The following AMBRA1 variants were observed in gnomAD, a reference collection of about 807,000 sequenced individuals.
AMBRA1 encodes autophagy and beclin 1 regulator 1.
AMBRA1 carries 47 observed loss-of-function variants against 125.4 expected under a neutral mutation model. That is an observed-to-expected ratio of 0.37 (90% CI 0.30 to 0.48). The LOEUF (loss-of-function observed/expected upper bound fraction) is 0.48. Ranked by LOEUF, AMBRA1 falls within the 20% of genes least tolerant of loss-of-function variation. AMBRA1 has a pLI of 0.99. For synonymous variants in AMBRA1, 626 were observed against 655.5 expected (o/e 0.95, Z 0.69); for missense variants, 1,331 against 1,693.4 (o/e 0.79, Z 3.76).
chr11:46,536,707 G>A (rs1382858617), intron 7 of AMBRA1, among the ~76,000 whole-genome samples: 1 of 152,206 alleles, frequency 6.6e-6, no homozygotes, highest in Admixed American at 6.5e-5. Flanking sequence ...GACTGGAGCT[G>A]AGGGATCAAA....
At chr11:46,430,149 C>T (rs1208996233) in intron 14 of AMBRA1, among the ~76,000 whole-genome samples, 1 of 152,204 alleles carries the variant, frequency 6.6e-6, no homozygotes, top group Non-Finnish European at 1.5e-5. Flanking sequence ...AAAGAAAAGA[C>T]TCCAGCACAT....
intron 8 of AMBRA1, among the ~76,000 whole-genome samples, chr11:46,509,547 C>A (rs1951182560): frequency 6.6e-6 from 1 of 151,936 alleles, no homozygotes; most frequent in African/African-American, 2.4e-5. Flanking sequence ...GGGAAGCAAC[C>A]CAAATGCCCA....
At chr11:46,413,989 T>C (rs1331584199) in intron 15 of AMBRA1, among the ~76,000 whole-genome samples, 3 of 152,146 alleles carry the variant, frequency 2.0e-5, no homozygotes, top group Admixed American at 6.6e-5. Flanking sequence ...CCTTTTCCAG[T>C]GGGCTTCCAC....
intron 7 of AMBRA1, among the ~76,000 whole-genome samples, chr11:46,520,897 G>A (rs182986254): frequency 8.5e-5 from 13 of 152,050 alleles, no homozygotes; most frequent in East Asian, 5.8e-4. Context: ...GAGCCACCGC[G>A]CCCGGCCCCT....
At chr11:46,526,584 G>C (rs1057323236) in intron 7 of AMBRA1, among the ~76,000 whole-genome samples, 6 of 148,982 alleles carry the variant, frequency 4.0e-5, no homozygotes, top group Non-Finnish European at 5.9e-5. Flanking sequence ...TCTCTCAAGA[G>C]GCCATGTGGA....
At chr11:46,459,509 G>C (rs1049725986) in intron 11 of AMBRA1, among the ~76,000 whole-genome samples, 1 of 151,916 alleles carries the variant, frequency 6.6e-6, no homozygotes, top group South Asian at 2.1e-4. Flanking sequence ...TCAGGAGTTC[G>C]AGACCAGCCT....
intron 15 of AMBRA1, among the ~76,000 whole-genome samples, chr11:46,414,256 G>A (rs141247514): frequency 3.7e-4 from 57 of 152,316 alleles, no homozygotes; most frequent in Non-Finnish European, 7.2e-4. Flanking sequence ...TCTCTGCAGC[G>A]CGGGAAAGAG....
At chr11:46,564,649 G>A (rs935690995) in intron 1 of AMBRA1, among the ~76,000 whole-genome samples, 9 of 152,136 alleles carry the variant, frequency 5.9e-5, no homozygotes, top group Admixed American at 1.3e-4. Context: ...GAGATGAGGA[G>A]AGGGAGAAAG....
At chr11:46,496,313 T>C (rs1444759937) in intron 9 of AMBRA1, among the ~76,000 whole-genome samples, 1 of 152,048 alleles carries the variant, frequency 6.6e-6, no homozygotes, top group Non-Finnish European at 1.5e-5. Context: ...ACCCAGGAGA[T>C]GGAGGTTGCA....
chr11:46,588,016 G>A (rs1482534366), intron 1 of AMBRA1, among the ~76,000 whole-genome samples: 2 of 152,166 alleles, frequency 1.3e-5, no homozygotes, highest in East Asian at 3.8e-4. Context: ...AGCAGAGGGA[G>A]AGACAAAAAA....
chr11:46,405,744 A>G (rs780687088), intron 17 of AMBRA1, among the ~76,000 whole-genome samples: 11 of 151,862 alleles, frequency 7.2e-5, no homozygotes, highest in Non-Finnish European at 1.3e-4. Context: ...TTATTTATTT[A>G]TATTTGAGAC....
intron 5 of AMBRA1, among the ~76,000 whole-genome samples, chr11:46,544,500 G>C (rs1207728416): frequency 7.9e-5 from 12 of 152,114 alleles, no homozygotes; most frequent in Admixed American, 7.9e-4. Flanking sequence ...TATTCGACTG[G>C]AAATCCAAGA....
intron 12 of AMBRA1, among the ~76,000 whole-genome samples, chr11:46,440,542 T>C (rs1947953296): frequency 6.6e-6 from 1 of 152,072 alleles, no homozygotes; most frequent in African/African-American, 2.4e-5. Flanking sequence ...CAATTTCAGA[T>C]GACAATTAAA....
At chr11:46,437,217 T>C (rs964722459) in intron 12 of AMBRA1, among the ~76,000 whole-genome samples, 1 of 152,198 alleles carries the variant, frequency 6.6e-6, no homozygotes, top group African/African-American at 2.4e-5. Flanking sequence ...CCTTAAAAAC[T>C]GGGCATATGG....
At chr11:46,409,908 G>C (rs1946204068) in intron 16 of AMBRA1, among the ~76,000 whole-genome samples, 1 of 152,220 alleles carries the variant, frequency 6.6e-6, no homozygotes, top group African/African-American at 2.4e-5. Flanking sequence ...CTACAGCCCT[G>C]GGCAGCTTGG....
intron 14 of AMBRA1, among the ~76,000 whole-genome samples, chr11:46,425,425 T>C (rs1186013627): frequency 6.6e-6 from 1 of 151,980 alleles, no homozygotes; most frequent in Non-Finnish European, 1.5e-5. Flanking sequence ...TATGAATTGA[T>C]TTTCCAATTC....
chr11:46,499,812 C>G (rs138857882), intron 9 of AMBRA1, among the ~76,000 whole-genome samples: 86 of 152,206 alleles, frequency 5.7e-4, no homozygotes, highest in African/African-American at 2.0e-3. Context: ...CCCGCCACCA[C>G]GCCCAGCTAA....
chr11:46,482,281 T>C (rs967060578), intron 11 of AMBRA1, among the ~76,000 whole-genome samples: 4 of 152,250 alleles, frequency 2.6e-5, no homozygotes, highest in African/African-American at 9.6e-5. Flanking sequence ...AATGCTGTTA[T>C]AGAACTGTCA....
Position 46,408,626 on chromosome 11 carries a change from G to A in AMBRA1, c.3290C>T (p.Thr1097Ile). The A allele has an allele frequency of 6.2e-7, 1 of 1,609,376 alleles. No homozygotes were observed. Among genetic ancestry groups the A allele is most frequent in the Non-Finnish European group, 8.5e-7 (1 of 1,176,992 alleles). The change falls in exon 17 of 18, where the codon ACC becomes ATC. Residue 1097 changes from threonine to isoleucine, a missense_variant. Transcript: ENST00000683756. ...CTGGGTGCCCTGAGATGTCACTGAG[G>A]TGGCAGGGTTCCGGGGCTGAAGCCC... ...AIGLQPRNPA[T>I]SVTSQGTQTL...
Sources: allele counts gnomAD v4.1 joint callset (sites outside exome capture counted in the v4.1 genomes callset), GRCh38; gene constraint gnomAD v4.1.1; transcripts MANE v1.5; gene names NCBI Gene and HGNC (gene_info 2026-07-23, HGNC 2026-07-21).